Variants in MTHFD1L observed in about 807,000 individuals in gnomAD.
The protein encoded by MTHFD1L is methylenetetrahydrofolate dehydrogenase (NADP+ dependent) 1 like.
A neutral mutation model predicts 119.5 loss-of-function variants in MTHFD1L; 81 were observed. That is an observed-to-expected ratio of 0.68 (90% confidence interval 0.57 to 0.82). MTHFD1L has a LOEUF of 0.82. MTHFD1L is among the 40% of genes least tolerant of loss of function. The pLI is 0.00. For synonymous variants in MTHFD1L, 430 were observed against 475.2 expected (o/e 0.90, Z 1.24); for missense variants, 1,125 against 1,253.4 (o/e 0.90, Z 1.55).
At chr6:151,004,130 G>A (rs1006280067) in intron 20 of MTHFD1L, among the ~76,000 whole-genome samples, 5 of 151,816 alleles carry the variant, frequency 3.3e-5, no homozygotes, top group African/African-American at 7.3e-5. Context: ...ATCATTTGAG[G>A]TCAGGAGTTC....
chr6:150,866,324 C>T, intron 1 of MTHFD1L: 1 of 1,456,846 alleles, frequency 6.9e-7, no homozygotes, highest in Non-Finnish European at 9.0e-7. Context: ...GGACCGCACG[C>T]CCGGCTCCAC....
At chr6:151,020,284 C>T (rs114224562) in intron 24 of MTHFD1L, among the ~76,000 whole-genome samples, 3 of 152,294 alleles carry the variant, frequency 2.0e-5, no homozygotes, top group East Asian at 3.9e-4. Flanking sequence ...GAAATTGTCT[C>T]GGAACCCCAC....
intron 8 of MTHFD1L, 109 bp from the exon 9 acceptor site, chr6:150,918,468 C>T (rs1426230941): frequency 1.2e-6 from 1 of 816,646 alleles, no homozygotes; most frequent in Non-Finnish European, 2.1e-6. Context: ...TCCTAACTTC[C>T]TTGGTGAAAA....
intron 20 of MTHFD1L, among the ~76,000 whole-genome samples, chr6:150,982,227 G>T (rs1357173134): frequency 6.6e-6 from 1 of 151,326 alleles, no homozygotes; most frequent in Non-Finnish European, 1.5e-5. Context: ...AATTTAACAT[G>T]TAAAAAAAAA....
At chr6:150,983,407 T>G (rs1030940546) in intron 20 of MTHFD1L, among the ~76,000 whole-genome samples, 1 of 152,234 alleles carries the variant, frequency 6.6e-6, no homozygotes, top group Admixed American at 6.5e-5. Flanking sequence ...TCTTACAGTT[T>G]GTGAGACTTT....
chr6:150,912,369 C>T (rs1245416391), intron 8 of MTHFD1L, among the ~76,000 whole-genome samples: 1 of 151,762 alleles, frequency 6.6e-6, no homozygotes, highest in Non-Finnish European at 1.5e-5. Context: ...TAAAACCTCG[C>T]ATACATTTTG....
chr6:150,926,683 C>T lies in MTHFD1L; in HGVS notation c.1256+388C>T, dbSNP rs548074291. On this transcript the variant is annotated intron_variant, in intron 11 of 27. Transcript: ENST00000367321. This position sits in a 1 kb window ranked among gnomAD's most constrained non-coding sequence, Gnocchi z 4.3. Reference sequence around the variant, plus strand: ...TTGAAATATTTTCGTGGAAAAGGTACAGATAATCATATGAAACATGTTTTC... The same window carrying T: ...TTGAAATATTTTCGTGGAAAAGGTATAGATAATCATATGAAACATGTTTTC... 6.6e-6 allele frequency among the ~76,000 whole-genome samples: 1 copy of T among 152,266 alleles called. No homozygotes were observed. The highest frequency in any genetic ancestry group is 2.1e-4 in the South Asian group (1 of 4,826).
intron 24 of MTHFD1L, among the ~76,000 whole-genome samples, chr6:151,027,827 T>A (rs1440423723): frequency 6.6e-6 from 1 of 152,104 alleles, no homozygotes; most frequent in African/African-American, 2.4e-5. Context: ...AAACAAAAAT[T>A]GTAGCAGGAG....
chr6:150,870,452 C>T (rs1005057715), intron 1 of MTHFD1L, among the ~76,000 whole-genome samples: 1 of 152,148 alleles, frequency 6.6e-6, no homozygotes, highest in African/African-American at 2.4e-5. Flanking sequence ...CATACCTGTA[C>T]AGGCACCCCT....
intron 13 of MTHFD1L, among the ~76,000 whole-genome samples, chr6:150,941,944 C>G (rs1793190525): frequency 6.6e-6 from 1 of 152,172 alleles, no homozygotes; most frequent in African/African-American, 2.4e-5. Context: ...CACCAATAAT[C>G]AAGTAAATAA....
chr6:151,024,306 A>G (rs889698470), intron 24 of MTHFD1L, among the ~76,000 whole-genome samples: 56 of 152,204 alleles, frequency 3.7e-4, no homozygotes, highest in Non-Finnish European at 5.9e-4. Context: ...TAGGGAGGCC[A>G]AGGTAGGAGG....
At chr6:150,997,467 C>T (rs746168941) in intron 20 of MTHFD1L, among the ~76,000 whole-genome samples, 8 of 152,146 alleles carry the variant, frequency 5.3e-5, no homozygotes, top group Non-Finnish European at 1.0e-4. Flanking sequence ...CATCTTTGGG[C>T]TATGATTGTG....
chr6:151,064,236 T>C (rs767039408), intron 26 of MTHFD1L, among the ~76,000 whole-genome samples: 1 of 152,230 alleles, frequency 6.6e-6, no homozygotes, highest in Non-Finnish European at 1.5e-5. Context: ...AAAAAAGTAC[T>C]ACGTATGTCA....
At chr6:151,003,841 G>A (rs1384289636) in intron 20 of MTHFD1L, among the ~76,000 whole-genome samples, 1 of 152,026 alleles carries the variant, frequency 6.6e-6, no homozygotes, top group Non-Finnish European at 1.5e-5. Context: ...AGAGGGACCG[G>A]GGGCACCACA....
At chr6:150,923,546 T>TTTTTC (rs2128901392) in intron 10 of MTHFD1L, among the ~76,000 whole-genome samples, 1 of 89,066 alleles carries the variant, frequency 1.1e-5, no homozygotes, top group African/African-American at 5.4e-5. Context: ...TATTTTTTCT[T>TTTTTC]TTTTTTTTTT....
intron 6 of MTHFD1L, 48 bp from the exon 7 acceptor site, chr6:150,887,797 A>G (rs774855334): frequency 6.6e-7 from 1 of 1,520,612 alleles, no homozygotes; most frequent in South Asian, 1.3e-5. Context: ...TCTTAAAGGA[A>G]GGATCTGAAG....
intron 8 of MTHFD1L, 57 bp downstream of exon 8, chr6:150,905,818 T>C (rs1328265776): frequency 1.5e-6 from 2 of 1,312,024 alleles, no homozygotes; most frequent in Non-Finnish European, 2.2e-6. Context: ...TTCAAAGAAA[T>C]GTTAACCTTT....
chr6:150,918,294 C>G (rs1788328034), intron 8 of MTHFD1L, among the ~76,000 whole-genome samples: 1 of 152,062 alleles, frequency 6.6e-6, no homozygotes, highest in Admixed American at 6.6e-5. Context: ...TTGAACTGAC[C>G]TCAGGTGATC....
intron 8 of MTHFD1L, among the ~76,000 whole-genome samples, chr6:150,911,873 A>G (rs1786959065): frequency 6.6e-6 from 1 of 152,148 alleles, no homozygotes. Context: ...CGTATTTACT[A>G]CCATGAGAAG....
Sources: gnomAD v4.1 joint callset for allele counts (sites outside exome capture counted in the v4.1 genomes callset) on GRCh38, gnomAD v4.1.1 for gene constraint, Gnocchi (gnomAD v3.1) non-coding constraint, MANE v1.5 for transcripts, NCBI Gene and HGNC (gene_info 2026-07-23, HGNC 2026-07-21) for gene names.